The following ANXA6 variants were observed in gnomAD, a reference collection of about 807,000 sequenced individuals.
ANXA6 encodes 67 kDa calelectrin.
In ANXA6, 71 loss-of-function variants were observed where a neutral mutation model predicts 95.4. The observed-to-expected ratio is 0.74, with a 90% CI of 0.61 to 0.91. The LOEUF (loss-of-function observed/expected upper bound fraction) is 0.91. ANXA6 is among the 40% of genes least tolerant of loss of function. The pLI, the probability that ANXA6 is intolerant of heterozygous loss-of-function variation, is 0.00. For synonymous variants in ANXA6, 289 were observed against 315.9 expected (o/e 0.91, Z 0.90); for missense variants, 830 against 876.4 (o/e 0.95, Z 0.67).
chr5:151,114,821 C>T (rs1357300046), intron 20 of ANXA6, among the ~76,000 whole-genome samples: 1 of 152,014 alleles, frequency 6.6e-6, no homozygotes, highest in Non-Finnish European at 1.5e-5. Flanking sequence ...TAATAACAGT[C>T]CCAGACTTCT....
At chr5:151,128,619 A>C (rs143424947) in intron 12 of ANXA6, among the ~76,000 whole-genome samples, 1 of 152,338 alleles carries the variant, frequency 6.6e-6, no homozygotes, top group East Asian at 1.9e-4. Flanking sequence ...ATATGCATGG[A>C]AATGGGGTTC....
At chr5:151,123,786 TC>T (rs1765236401) in intron 15 of ANXA6, among the ~76,000 whole-genome samples, 1 of 152,174 alleles carries the variant, frequency 6.6e-6, no homozygotes, top group African/African-American at 2.4e-5. Context: ...GCCCAGCTGA[TC>T]TGAACCTGTG....
chr5:151,150,028 T>C (rs1018928320), intron 1 of ANXA6, among the ~76,000 whole-genome samples: 11 of 150,086 alleles, frequency 7.3e-5, no homozygotes, highest in Admixed American at 2.7e-4. Flanking sequence ...CCGAGGCAGG[T>C]GAATCGCTTG....
In ANXA6 at chr5:151,131,242, T is replaced by G; in HGVS notation, c.784A>C (p.Lys262Gln). The change falls in exon 11 of 26, where the codon AAG (lysine) becomes CAG (glutamine). Residue 262 changes from lysine to glutamine, a missense_variant. Transcript: ENST00000354546. ...TPEYFAERLF[K>Q]AMKGLGTRDN... Reference sequence around the variant, plus strand: ...GCCCCACCACGCACCTTCATAGCCTTGAAGAGCCTTTCAGCAAAATATTCC... The same window carrying G: ...GCCCCACCACGCACCTTCATAGCCTGGAAGAGCCTTTCAGCAAAATATTCC... 6.2e-7 allele frequency: 1 copy of G among 1,613,964 alleles called. No individual in the cohort carries two copies. Among genetic ancestry groups the G allele is most frequent in the Non-Finnish European group, 8.5e-7 (1 of 1,179,864 alleles).
At position 151,133,199 on chromosome 5, in the gene ANXA6, G is replaced by C; in HGVS notation, c.547-12C>G. On this transcript the variant is annotated splice_polypyrimidine_tract_variant and intron_variant, in intron 8 of 25. Coordinates refer to ENST00000354546, the MANE Select transcript of ANXA6 (RefSeq NM_001155.5). Reference sequence around the variant, plus strand: ...GCCTCGTATAGGTCCTGAAGGGGAAGAGGTGGCACTTGACTGAAAGAGGAA... The same window carrying C: ...GCCTCGTATAGGTCCTGAAGGGGAACAGGTGGCACTTGACTGAAAGAGGAA... 2 of 1,558,718 alleles carry C rather than the reference G, an allele frequency of 1.3e-6. No individual in the cohort carries two copies. Among genetic ancestry groups the C allele is most frequent in the Non-Finnish European group, 1.7e-6 (2 of 1,147,798 alleles).
At chr5:151,132,999 A>C in intron 9 of ANXA6, 95 bp downstream of exon 9, 1 of 928,304 alleles carries the variant, frequency 1.1e-6, no homozygotes. Context: ...AGTAGGTATC[A>C]TGTTCCATTA....
intron 20 of ANXA6, among the ~76,000 whole-genome samples, chr5:151,113,980 G>A (rs1764924090): frequency 6.6e-6 from 1 of 152,252 alleles, no homozygotes; most frequent in South Asian, 2.1e-4. Context: ...ACTGTTAAGT[G>A]TTTAACATAG....
rs2113939025 is a variant in ANXA6 at position 151,136,318 on chromosome 5, C to T, written c.427G>A (p.Glu143Lys). The change falls in exon 7 of 26, where the codon GAG becomes AAG. Residue 143 changes from glutamate (E) to lysine (K), a missense_variant. Glu to Lys is a moderately conservative substitution (Grantham distance 56, BLOSUM62 1). Coordinates refer to ENST00000354546, the MANE Select transcript of ANXA6 (RefSeq NM_001155.5). ...AYKDAYERDL[E>K]ADIIGDTSGH... Reference sequence around the variant, plus strand: ...GAGGTGTCGCCGATGATGTCAGCCTCCAGGTCCCGCTCGTAGGCTGCAGAA... The same window carrying T: ...GAGGTGTCGCCGATGATGTCAGCCTTCAGGTCCCGCTCGTAGGCTGCAGAA... The T allele has an allele frequency of 6.2e-7, 1 of 1,613,966 alleles. No individual in the cohort carries two copies. Among genetic ancestry groups the T allele is most frequent in the Non-Finnish European group, 8.5e-7 (1 of 1,179,870 alleles).
At chr5:151,133,700 A>G (rs548717936) in intron 8 of ANXA6, among the ~76,000 whole-genome samples, 133 of 152,356 alleles carry the variant, frequency 8.7e-4, no homozygotes, top group African/African-American at 2.9e-3. Flanking sequence ...TATGTGGTAC[A>G]TGACTATACC....
intron 15 of ANXA6, 146 bp downstream of exon 15, chr5:151,124,140 C>G: frequency 1.4e-6 from 1 of 711,374 alleles, no homozygotes; most frequent in Non-Finnish European, 2.4e-6. Context: ...ACTCTGGGAG[C>G]TAGGAGGGTG....
chr5:151,101,617 C>G, intron 25 of ANXA6, 110 bp from the exon 26 acceptor site: 1 of 924,764 alleles, frequency 1.1e-6, no homozygotes, highest in Non-Finnish European at 1.7e-6. Context: ...TCTCCATGAC[C>G]AACATAGGAT....
intron 20 of ANXA6, among the ~76,000 whole-genome samples, chr5:151,111,966 T>G (rs1371203935): frequency 1.3e-5 from 2 of 152,082 alleles, no homozygotes; most frequent in Non-Finnish European, 2.9e-5. Context: ...TTTTTTTTTT[T>G]TGTATTTTTA....
Position 151,101,086 on chromosome 5 carries a change from A to G in ANXA6, c.*362T>C, listed in dbSNP as rs1764534425. On this transcript the variant is annotated 3_prime_UTR_variant, in exon 26 of 26. Coordinates refer to ENST00000354546, the MANE Select transcript of ANXA6 (RefSeq NM_001155.5). The stretch of plus-strand genomic sequence containing the variant: ...GCCCCTGCCACCAACCCCCTCATTC[A>G]AAGTACAGACACTACTCATTTTACA... 3 of 490,628 alleles carry G rather than the reference A, an allele frequency of 6.1e-6. No individual in the cohort carries two copies. Among genetic ancestry groups the G allele is most frequent in the African/African-American group, 5.8e-5 (3 of 51,576 alleles). 30.4% of individuals were successfully genotyped at this position (490,628 alleles called of 1,614,324 possible).
chr5:151,136,299 T>A lies in ANXA6; in HGVS notation c.446A>T (p.Asp149Val), dbSNP rs374202467. The A allele has an allele frequency of 1.9e-6, 3 of 1,613,718 alleles. No individual in the cohort carries two copies. The African/African-American group carries it at 4.0e-5, about 22-fold the overall frequency. The change falls in exon 7 of 26, where the codon GAC (aspartate) becomes GTC (valine). Residue 149 changes from aspartate (D) to valine (V), a missense_variant. Asp to Val is a radical substitution (Grantham distance 152). Transcript: ENST00000354546. ...CATCTTCTGGAAGTGGCCAGAGGTG[T>A]CGCCGATGATGTCAGCCTCCAGGTC... ...ERDLEADIIG[D>V]TSGHFQKMLV...
intron 1 of ANXA6, among the ~76,000 whole-genome samples, chr5:151,157,089 C>A (rs921289240): frequency 1.3e-5 from 2 of 152,098 alleles, no homozygotes; most frequent in African/African-American, 2.4e-5. Flanking sequence ...CTCGGAGCCC[C>A]GTTGGGAGAC....
chr5:151,123,002 T>A lies in ANXA6; in HGVS notation c.1148A>T (p.Glu383Val), dbSNP rs1169518963. 6.2e-7 allele frequency: 1 copy of A among 1,613,620 alleles called. No homozygotes were observed. The highest frequency in any genetic ancestry group is 8.5e-7 in the Non-Finnish European group (1 of 1,179,872). ...CGTGATGATATCGATGATTGTGTCT[T>A]CGTCAGTCCCTGAGTCACCAAAGCC... ...RKAMKGLGTD[E>V]DTIIDIITHR... The change falls in exon 16 of 26, where the codon GAA (glutamate) becomes GTA (valine). Residue 383 changes from glutamate to valine, a missense_variant. Coordinates refer to ENST00000354546, the MANE Select transcript of ANXA6 (RefSeq NM_001155.5).
At chr5:151,115,617 C>T (rs1729916897) in intron 20 of ANXA6, among the ~76,000 whole-genome samples, 1 of 152,200 alleles carries the variant, frequency 6.6e-6, no homozygotes, top group African/African-American at 2.4e-5. Context: ...TTAAAAAACT[C>T]TCAGCAGCAC....
In ANXA6 at chr5:151,140,217, AT is replaced by A. The variant is rs1199606779; in HGVS notation, c.44del (p.His15LeufsTer19). The part of the protein sequence containing the change: ...AQGAKYRGSI[H>X]DFPGFDPNQD... ...GGTTGGGGTCAAAGCCTGGGAAGTC[AT>A]GGATGGAGCCCCGGTACTTGGCACC... On this transcript the variant is annotated frameshift_variant, in exon 3 of 26. Coordinates refer to ENST00000354546, the MANE Select transcript of ANXA6 (RefSeq NM_001155.5). LOFTEE classifies it high-confidence loss of function. 6.2e-7 allele frequency: 1 copy of A among 1,613,916 alleles called. No homozygotes were observed. Among genetic ancestry groups the A allele is most frequent in the Admixed American group, 1.7e-5 (1 of 60,024 alleles).
intron 20 of ANXA6, among the ~76,000 whole-genome samples, chr5:151,111,341 T>A (rs1042124710): frequency 1.1e-4 from 17 of 152,230 alleles, no homozygotes; most frequent in African/African-American, 4.1e-4. Flanking sequence ...CTAGGCTGCG[T>A]ATTGCTTTCG....
Sources: gnomAD v4.1 joint callset for allele counts (sites outside exome capture counted in the v4.1 genomes callset) on GRCh38, gnomAD v4.1.1 for gene constraint, MANE v1.5 for transcripts, NCBI Gene and HGNC (gene_info 2026-07-23, HGNC 2026-07-21) for gene names.